Variants in TMEM132D observed in about 807,000 individuals in gnomAD.
TMEM132D encodes transmembrane protein 132D, also known as mature OL transmembrane protein.
In TMEM132D, 21 loss-of-function variants were observed where a neutral mutation model predicts 62.3. The observed-to-expected ratio is 0.34, with a 90% confidence interval of 0.24 to 0.49. TMEM132D has a LOEUF of 0.49. Ranked by LOEUF, TMEM132D falls within the 20% of genes least tolerant of loss-of-function variation. The pLI is 0.99. For missense variants in TMEM132D, 1,346 were observed against 1,402.8 expected (o/e 0.96, Z 0.65); for synonymous variants, 621 against 575.6 (o/e 1.08, Z -1.13).
At chr12:129,841,930 CGT>C (rs1873205055) in intron 1 of TMEM132D, among the ~76,000 whole-genome samples, 1 of 146,366 alleles carries the variant, frequency 6.8e-6, no homozygotes, top group Admixed American at 7.0e-5. Flanking sequence ...TCGTGGTTTT[CGT>C]GTTTTTTTTT....
At chr12:129,627,114 G>A (rs945986525) in intron 2 of TMEM132D, among the ~76,000 whole-genome samples, 2 of 151,722 alleles carry the variant, frequency 1.3e-5, no homozygotes, top group Admixed American at 6.6e-5. Context: ...CCCAAAATAC[G>A]AGATCTTACA....
At chr12:129,219,065 C>A (rs1167279490) in intron 4 of TMEM132D, among the ~76,000 whole-genome samples, 1 of 152,176 alleles carries the variant, frequency 6.6e-6, no homozygotes, top group Non-Finnish European at 1.5e-5. Context: ...TGGAGCAAAA[C>A]ATGGAAAGAT....
At chr12:129,842,097 A>ATTGTTTTTTTT (rs1566005017) in intron 1 of TMEM132D, among the ~76,000 whole-genome samples, 10 of 97,430 alleles carry the variant, frequency 1.0e-4, no homozygotes, top group South Asian at 3.9e-4. Context: ...CGCCCGGCTA[A>ATTGTTTTTTTT]TTTTTTTTTT....
chr12:129,523,238 T>G (rs1178565558), intron 3 of TMEM132D, among the ~76,000 whole-genome samples: 3 of 152,210 alleles, frequency 2.0e-5, no homozygotes, highest in Non-Finnish European at 4.4e-5. Flanking sequence ...TTTCTGCCAC[T>G]GCAGGTGTTT....
intron 4 of TMEM132D, among the ~76,000 whole-genome samples, chr12:129,231,084 T>TGAA (rs1301323422): frequency 6.6e-6 from 1 of 152,220 alleles, no homozygotes; most frequent in African/African-American, 2.4e-5. Flanking sequence ...TCTCTTGCTG[T>TGAA]GAATTTACTG....
At chr12:129,378,245 C>T (rs1209189894) in intron 3 of TMEM132D, among the ~76,000 whole-genome samples, 3 of 152,208 alleles carry the variant, frequency 2.0e-5, no homozygotes. Context: ...AGAACATGCA[C>T]GTGGTCAGCT....
intron 3 of TMEM132D, among the ~76,000 whole-genome samples, chr12:129,527,491 C>T (rs1272422671): frequency 6.6e-6 from 1 of 152,148 alleles, no homozygotes; most frequent in Non-Finnish European, 1.5e-5. Context: ...GATACTAGCC[C>T]TTAAAAGAGA....
At chr12:129,339,834 G>A (rs141459516) in intron 3 of TMEM132D, among the ~76,000 whole-genome samples, 54 of 152,232 alleles carry the variant, frequency 3.5e-4, no homozygotes, top group African/African-American at 9.6e-4. Context: ...CATTACTTGC[G>A]TTTGAGCTGT....
At chr12:129,338,568 G>A (rs1869366320) in intron 3 of TMEM132D, among the ~76,000 whole-genome samples, 1 of 152,140 alleles carries the variant, frequency 6.6e-6, no homozygotes, top group Non-Finnish European at 1.5e-5. Flanking sequence ...TATGTGACAG[G>A]TAGAAAAATG....
intron 1 of TMEM132D, among the ~76,000 whole-genome samples, chr12:129,762,683 C>T (rs963629286): frequency 1.3e-4 from 20 of 152,122 alleles, no homozygotes; most frequent in African/African-American, 4.3e-4. Flanking sequence ...GAACCTGGCC[C>T]GGTTCACTGG....
intron 5 of TMEM132D, among the ~76,000 whole-genome samples, chr12:129,193,334 G>GT (rs112488553): frequency 0.027 from 3,978 of 149,116 alleles, 149 homozygotes; most frequent in African/African-American, 0.09. Flanking sequence ...ACATAGCAAT[G>GT]TTTTTTTTTT....
At chr12:129,727,418 G>A (rs1869076411) in intron 1 of TMEM132D, among the ~76,000 whole-genome samples, 1 of 152,142 alleles carries the variant, frequency 6.6e-6, no homozygotes, top group South Asian at 2.1e-4. Context: ...TCACGACAAT[G>A]GTACCAATCC....
chr12:129,556,525 C>T (rs1287939943), intron 2 of TMEM132D, among the ~76,000 whole-genome samples: 1 of 151,580 alleles, frequency 6.6e-6, no homozygotes, highest in Non-Finnish European at 1.5e-5. Context: ...CAGTGGTGAC[C>T]GAAAATGGTA....
At chr12:129,266,957 A>G (rs78943182) in intron 4 of TMEM132D, among the ~76,000 whole-genome samples, 13,729 of 152,086 alleles carry the variant, frequency 0.09, 781 homozygotes, top group Admixed American at 0.18. Context: ...CACCAGAATG[A>G]CCTTTAGATG....
At chr12:129,635,178 A>G (rs197281) in intron 2 of TMEM132D, among the ~76,000 whole-genome samples, 150,879 of 152,346 alleles carry the variant, frequency 0.99, 74,729 homozygotes, top group Middle Eastern at 1. Context: ...ACTTTGATGT[A>G]GTTTTGCTAC....
intron 5 of TMEM132D, among the ~76,000 whole-genome samples, chr12:129,176,559 C>A (rs544653819): frequency 1.2e-4 from 18 of 152,340 alleles, no homozygotes; most frequent in African/African-American, 4.3e-4. Context: ...AGGGAGGGGA[C>A]TCCTTGCCTC....
At chr12:129,422,903 C>T (rs533875428) in intron 3 of TMEM132D, among the ~76,000 whole-genome samples, 140 of 151,194 alleles carry the variant, frequency 9.3e-4, no homozygotes, top group Middle Eastern at 3.5e-3. Context: ...TATACATATA[C>T]GTATTATGTA....
chr12:129,463,874 T>C (rs1376499566), intron 3 of TMEM132D, among the ~76,000 whole-genome samples: 4 of 151,412 alleles, frequency 2.6e-5, no homozygotes, highest in African/African-American at 4.9e-5. Context: ...CAGTCTATCA[T>C]TGTTGGACAT....
intron 1 of TMEM132D, among the ~76,000 whole-genome samples, chr12:129,799,315 A>G (rs1178244776): frequency 6.6e-6 from 1 of 151,836 alleles, no homozygotes; most frequent in Non-Finnish European, 1.5e-5. Context: ...ATATATATAT[A>G]CACACACATA....
Sources: gnomAD v4.1 joint callset for allele counts (sites outside exome capture counted in the v4.1 genomes callset) on GRCh38, gnomAD v4.1.1 for gene constraint, MANE v1.5 for transcripts, NCBI Gene and HGNC (gene_info 2026-07-23, HGNC 2026-07-21) for gene names.